The following UBTD1 variants were observed in gnomAD, a reference collection of about 807,000 sequenced individuals.
The protein encoded by UBTD1 is ubiquitin domain containing 1.
A neutral mutation model predicts 21.7 loss-of-function variants in UBTD1; 19 were observed. That is an observed-to-expected ratio of 0.87 (90% CI 0.61 to 1.28). The LOEUF is 1.28. UBTD1 is among the 50% of genes most tolerant of loss of function. The pLI is 0.00. For synonymous variants in UBTD1, 116 were observed against 135.1 expected (o/e 0.86, Z 0.98); for missense variants, 282 against 315.1 (o/e 0.89, Z 0.80).
intron 1 of UBTD1, among the ~76,000 whole-genome samples, chr10:97,503,436 T>G (rs1200667002): frequency 6.6e-6 from 1 of 151,998 alleles, no homozygotes; most frequent in African/African-American, 2.4e-5. Flanking sequence ...CAGGGAGAGG[T>G]AGAGGTGGTA....
chr10:97,499,961 C>T (rs1417813796), intron 1 of UBTD1, among the ~76,000 whole-genome samples: 1 of 152,150 alleles, frequency 6.6e-6, no homozygotes, highest in Non-Finnish European at 1.5e-5. Flanking sequence ...TCATGGTACA[C>T]CCCGCCTGCC....
chr10:97,567,829 G>C (rs972021134), intron 1 of UBTD1, 85 bp from the exon 2 acceptor site: 2 of 1,342,774 alleles, frequency 1.5e-6, no homozygotes, highest in Non-Finnish European at 2.1e-6. Flanking sequence ...TCAGGGTCTG[G>C]CCTGGGGAGG....
chr10:97,552,001 T>G (rs1390034658), intron 1 of UBTD1, among the ~76,000 whole-genome samples: 1 of 152,048 alleles, frequency 6.6e-6, no homozygotes, highest in African/African-American at 2.4e-5. Context: ...AGCCTTGACC[T>G]TCTGGGCTCA....
intron 2 of UBTD1, 44 bp downstream of exon 2, chr10:97,568,185 G>C: frequency 6.2e-7 from 1 of 1,600,264 alleles, no homozygotes; most frequent in Non-Finnish European, 8.5e-7. Flanking sequence ...GGAGCTAGGG[G>C]GTCACCAGCA....
At chr10:97,561,030 G>C (rs548301692) in intron 1 of UBTD1, among the ~76,000 whole-genome samples, 62 of 152,270 alleles carry the variant, frequency 4.1e-4, no homozygotes, top group African/African-American at 1.4e-3. Flanking sequence ...CACTCAGATG[G>C]AGTGGGGCAA....
chr10:97,549,095 T>G (rs964133705), intron 1 of UBTD1, among the ~76,000 whole-genome samples: 1 of 152,238 alleles, frequency 6.6e-6, no homozygotes, highest in Non-Finnish European at 1.5e-5. Flanking sequence ...CTTGTCCGTA[T>G]CTGTGGCTGC....
intron 1 of UBTD1, among the ~76,000 whole-genome samples, chr10:97,525,248 A>G (rs577267642): frequency 1.2e-4 from 19 of 152,300 alleles, no homozygotes; most frequent in African/African-American, 4.6e-4. Context: ...GTGTGTGTGG[A>G]ACCCAGACAA....
At chr10:97,563,074 C>T (rs1358099318) in intron 1 of UBTD1, among the ~76,000 whole-genome samples, 3 of 151,916 alleles carry the variant, frequency 2.0e-5, no homozygotes, top group Non-Finnish European at 4.4e-5. Context: ...GAGCATTTGT[C>T]GTATAGAATG....
chr10:97,568,225 G>T, intron 2 of UBTD1, 84 bp downstream of exon 2: 1 of 1,410,076 alleles, frequency 7.1e-7, no homozygotes, highest in East Asian at 2.3e-5. Context: ...AGTGTGGAGC[G>T]GTGGGGCAGG....
At chr10:97,537,899 C>A (rs1054115923) in intron 1 of UBTD1, among the ~76,000 whole-genome samples, 3 of 151,110 alleles carry the variant, frequency 2.0e-5, no homozygotes, top group African/African-American at 7.3e-5. Flanking sequence ...GATCTCACCC[C>A]ACTGCAACCT....
chr10:97,560,379 A>G (rs1484187515), intron 1 of UBTD1, among the ~76,000 whole-genome samples: 4 of 152,238 alleles, frequency 2.6e-5, no homozygotes, highest in Non-Finnish European at 4.4e-5. Flanking sequence ...TGGGATTTCA[A>G]TCATCCTTTG....
At position 97,570,214 on chromosome 10, in the gene UBTD1, C is replaced by A; in HGVS notation, c.375C>A (p.Asn125Lys). Residue 125 changes from asparagine (N) to lysine (K), a missense_variant, in exon 3 of 3, where the codon AAC becomes AAA. Asn to Lys is a moderately conservative substitution (Grantham distance 94). Transcript: ENST00000370664. This position sits in a 1 kb window ranked among gnomAD's most constrained non-coding sequence, Gnocchi z 6.6. ...TCTACTGCCTGTCACCGCCGGTGAA[C>A]CTGCTGCTGGAGCACACGGAGGAGG... ...LPIYCLSPPV[N>K]LLLEHTEEES... The A allele has an allele frequency of 6.2e-7, 1 of 1,613,370 alleles. No homozygotes were observed. Among genetic ancestry groups the A allele is most frequent in the Non-Finnish European group, 8.5e-7 (1 of 1,179,996 alleles).
chr10:97,552,941 A>G (rs1163549313), intron 1 of UBTD1, among the ~76,000 whole-genome samples: 2 of 152,246 alleles, frequency 1.3e-5, no homozygotes, highest in East Asian at 1.9e-4. Flanking sequence ...AGCTTTGTAG[A>G]TAAGTCTTCA....
intron 1 of UBTD1, among the ~76,000 whole-genome samples, chr10:97,522,436 C>T (rs2040470413): frequency 6.6e-6 from 1 of 152,228 alleles, no homozygotes; most frequent in Non-Finnish European, 1.5e-5. Flanking sequence ...CTGGTTCTGC[C>T]TGAGAAGTTT....
At chr10:97,547,405 C>A (rs2040616173) in intron 1 of UBTD1, among the ~76,000 whole-genome samples, 1 of 152,116 alleles carries the variant, frequency 6.6e-6, no homozygotes, top group Non-Finnish European at 1.5e-5. Flanking sequence ...CCCTCTTCTG[C>A]CCCAGGAAAA....
rs148649956 is a variant in UBTD1, at chr10:97,502,955, C to G, written c.70+3682C>G. On this transcript the variant is annotated intron_variant, in intron 1 of 2. Transcript: ENST00000370664. Reference sequence around the variant, plus strand: ...TTTGAGAGAGAGGGTCTTGTTCTCTCGCTCAGGCTGGAGTATGGTGGTGCA... The same window carrying G: ...TTTGAGAGAGAGGGTCTTGTTCTCTGGCTCAGGCTGGAGTATGGTGGTGCA... 3.0e-3 allele frequency among the ~76,000 whole-genome samples: 454 copies of G among 149,740 alleles called. 1 individual carries two copies. The highest frequency in any genetic ancestry group is 0.013 in the South Asian group (61 of 4,776).
chr10:97,566,651 T>C (rs527328920), intron 1 of UBTD1, among the ~76,000 whole-genome samples: 1 of 152,352 alleles, frequency 6.6e-6, no homozygotes, highest in South Asian at 2.1e-4. Context: ...AAATAAAGGC[T>C]TGCCTGGGGT....
intron 1 of UBTD1, among the ~76,000 whole-genome samples, chr10:97,511,239 C>A (rs1181596655): frequency 2.0e-5 from 3 of 152,150 alleles, no homozygotes; most frequent in South Asian, 2.1e-4. Context: ...TAGGTACTTA[C>A]ACACATCTCA....
chr10:97,554,688 C>G (rs2040655869), intron 1 of UBTD1, among the ~76,000 whole-genome samples: 1 of 152,022 alleles, frequency 6.6e-6, no homozygotes, highest in African/African-American at 2.4e-5. Context: ...GTAGCTGGGA[C>G]TACAGGTGCA....
Sources: gnomAD v4.1 joint callset for allele counts (sites outside exome capture counted in the v4.1 genomes callset) on GRCh38, gnomAD v4.1.1 for gene constraint, Gnocchi (gnomAD v3.1) non-coding constraint, MANE v1.5 for transcripts, NCBI Gene and HGNC (gene_info 2026-07-23, HGNC 2026-07-21) for gene names.